Variants in CIMAP3 observed in about 807,000 individuals in gnomAD.
The protein encoded by CIMAP3 is ciliary microtubule-associated protein 3.
the CIMAP3 span, among the ~76,000 whole-genome samples, chr1:111,337,524 C>T: frequency 6.6e-6 from 1 of 151,352 alleles, no homozygotes; most frequent in Non-Finnish European, 1.5e-5. Flanking sequence ...CAATGGAAAA[C>T]AAAAAAAGGC....
chr1:111,327,324 T>C, the CIMAP3 span, among the ~76,000 whole-genome samples: 1 of 152,074 alleles, frequency 6.6e-6, no homozygotes. Flanking sequence ...TCTCTCCTTG[T>C]TGTGTCTGTG....
the CIMAP3 span, chr1:111,348,643 C>G: frequency 1.3e-6 from 2 of 1,588,126 alleles, no homozygotes; most frequent in South Asian, 2.3e-5. Flanking sequence ...ACTTACTATC[C>G]CAGGTATGTC....
At chr1:111,328,298 G>A in the CIMAP3 span, among the ~76,000 whole-genome samples, 1 of 152,308 alleles carries the variant, frequency 6.6e-6, no homozygotes, top group Middle Eastern at 3.4e-3. Context: ...TATGTGCCAG[G>A]TGGCAATGAA....
chr1:111,337,955 T>C, the CIMAP3 span, among the ~76,000 whole-genome samples: 3 of 149,480 alleles, frequency 2.0e-5, no homozygotes, highest in African/African-American at 7.5e-5. Flanking sequence ...AGTAAAGCTC[T>C]CCTCAGCAAA....
the CIMAP3 span, among the ~76,000 whole-genome samples, chr1:111,327,600 C>G: frequency 6.6e-6 from 1 of 151,948 alleles, no homozygotes; most frequent in African/African-American, 2.4e-5. Flanking sequence ...GTGTATGTGT[C>G]CAGGAATTTA....
At chr1:111,344,116 G>GA in the CIMAP3 span, among the ~76,000 whole-genome samples, 1 of 152,070 alleles carries the variant, frequency 6.6e-6, no homozygotes, top group Non-Finnish European at 1.5e-5. Flanking sequence ...CATTTTGCAT[G>GA]AAAAAAATGT....
At chr1:111,350,032 A>T in the CIMAP3 span, 4 of 1,191,884 alleles carry the variant, frequency 3.4e-6, no homozygotes, top group Middle Eastern at 2.0e-4. Flanking sequence ...TAGTCCAGGG[A>T]CGGCTCTGGT....
chr1:111,349,735 T>C, the CIMAP3 span: 1 of 165,666 alleles, frequency 6.0e-6, no homozygotes, highest in South Asian at 1.8e-4. Context: ...AGATTATCAC[T>C]GCACTTTTAT....
the CIMAP3 span, among the ~76,000 whole-genome samples, chr1:111,334,777 C>T: frequency 2.0e-5 from 3 of 151,892 alleles, no homozygotes; most frequent in Non-Finnish European, 4.4e-5. Context: ...AGGCTCTCAA[C>T]GGCAGAATGG....
At chr1:111,350,693 ATTTAC>A in the CIMAP3 span, among the ~76,000 whole-genome samples, 1 of 152,232 alleles carries the variant, frequency 6.6e-6, no homozygotes, top group Non-Finnish European at 1.5e-5. Context: ...TAGCTGCAGT[ATTTAC>A]TTGTGTAATC....
chr1:111,336,414 A>T, the CIMAP3 span, among the ~76,000 whole-genome samples: 1 of 152,204 alleles, frequency 6.6e-6, no homozygotes, highest in Non-Finnish European at 1.5e-5. Context: ...TACAGGAGGA[A>T]ATTCAAACCA....
At chr1:111,338,792 C>A in the CIMAP3 span, among the ~76,000 whole-genome samples, 1 of 152,012 alleles carries the variant, frequency 6.6e-6, no homozygotes, top group Non-Finnish European at 1.5e-5. Context: ...GGAACTGGTA[C>A]CATTCCTTCT....
the CIMAP3 span, among the ~76,000 whole-genome samples, chr1:111,341,450 G>A: frequency 1.3e-5 from 2 of 152,242 alleles, no homozygotes; most frequent in East Asian, 3.9e-4. Context: ...CAGAAGGAGA[G>A]GTAGCAAAAA....
chr1:111,347,687 C>T, the CIMAP3 span: 1 of 1,604,340 alleles, frequency 6.2e-7, no homozygotes, highest in East Asian at 2.2e-5. Context: ...TATGGCTTGG[C>T]ATACGACTTA....
the CIMAP3 span, among the ~76,000 whole-genome samples, chr1:111,329,562 T>TC: frequency 7.4e-6 from 1 of 134,402 alleles, no homozygotes; most frequent in Non-Finnish European, 1.6e-5. Context: ...TATATATAAT[T>TC]TTTTTTTTTG....
chr1:111,346,701 AG>A, the CIMAP3 span: 2 of 1,607,030 alleles, frequency 1.2e-6, no homozygotes, highest in Non-Finnish European at 1.7e-6. Flanking sequence ...AGCCTAGAGT[AG>A]AGGGCAGGTA....
chr1:111,336,723 G>A, the CIMAP3 span, among the ~76,000 whole-genome samples: 2 of 152,224 alleles, frequency 1.3e-5, no homozygotes, highest in African/African-American at 4.8e-5. Context: ...TCGTCTGATT[G>A]GTGTACCTGA....
the CIMAP3 span, among the ~76,000 whole-genome samples, chr1:111,325,565 C>T: frequency 6.6e-6 from 1 of 152,114 alleles, no homozygotes; most frequent in South Asian, 2.1e-4. Context: ...TTATAACACT[C>T]TATTTATTAT....
the CIMAP3 span, among the ~76,000 whole-genome samples, chr1:111,334,230 G>A: frequency 2.6e-5 from 4 of 152,202 alleles, no homozygotes; most frequent in South Asian, 8.3e-4. Flanking sequence ...TATGTTTAAC[G>A]ATATCAAAGA....
Sources: allele counts gnomAD v4.1 joint callset (sites outside exome capture counted in the v4.1 genomes callset), GRCh38; gene constraint gnomAD v4.1.1; transcripts MANE v1.5; gene names NCBI Gene and HGNC (gene_info 2026-07-23, HGNC 2026-07-21).